The following MMEL1 variants were observed in gnomAD, a reference collection of about 807,000 sequenced individuals.
The protein encoded by MMEL1 is membrane metallo-endopeptidase-like 1.
MMEL1 carries 98 observed loss-of-function variants against 117.1 expected under a neutral mutation model. The ratio of observed to expected loss-of-function variants is 0.84; its 90% confidence interval spans 0.71 to 0.99. The LOEUF (loss-of-function observed/expected upper bound fraction) is 0.99. Among genes scored for constraint, MMEL1 ranks in the 50% least tolerant of loss-of-function variants. The probability of loss-of-function intolerance (pLI) is 0.00; values close to 1 mark genes in which losing one functional copy is unlikely to be tolerated. For missense variants in MMEL1, 1,014 were observed against 1,049.1 expected (o/e 0.97, Z 0.46); for synonymous variants, 390 against 415.1 (o/e 0.94, Z 0.74).
chr1:2,620,253 G>C (rs961705229), intron 2 of MMEL1, among the ~76,000 whole-genome samples: 1 of 152,172 alleles, frequency 6.6e-6, no homozygotes, highest in African/African-American at 2.4e-5. Context: ...ACAGCAGCAA[G>C]GGGAGTCAGA....
Position 2,620,293 on chromosome 1 carries a change from G to A in MMEL1, c.155-8089C>T, listed in dbSNP as rs944526863. ...ATGAGAGCTAAATCTTCAAGATATT[G>A]AGAGAAAATAACAGCTCAGACTCAT... On this transcript the variant is annotated intron_variant, in intron 2 of 23. Transcript: ENST00000378412. Among the ~76,000 whole-genome samples the A allele has an allele frequency of 2.0e-5, 3 of 152,278 alleles. No homozygotes were observed. The East Asian group carries it at 5.8e-4, about 29-fold the overall frequency.
At chr1:2,604,108 C>T in intron 10 of MMEL1, 39 bp downstream of exon 10, 1 of 1,569,962 alleles carries the variant, frequency 6.4e-7, no homozygotes, top group Non-Finnish European at 8.7e-7. Flanking sequence ...GCTCCCAGCC[C>T]ACTCGCTGCC....
intron 4 of MMEL1, 39 bp from the exon 5 acceptor site, chr1:2,609,870 CAG>C: frequency 6.3e-7 from 1 of 1,575,168 alleles, no homozygotes; most frequent in Non-Finnish European, 8.6e-7. Flanking sequence ...AGAGGGGAGA[CAG>C]AGAGAGTTGT....
intron 13 of MMEL1, 103 bp downstream of exon 13, chr1:2,598,104 G>A (rs1371701771): frequency 9.9e-6 from 11 of 1,107,402 alleles, no homozygotes; most frequent in Non-Finnish European, 1.5e-5. Flanking sequence ...GTCCATGGCT[G>A]TGACCCTGGT....
chr1:2,612,024 G>C lies in MMEL1; in HGVS notation c.232+103C>G. 2 of 1,008,856 alleles carry C rather than the reference G, an allele frequency of 2.0e-6. No individual in the cohort carries two copies. The highest frequency in any genetic ancestry group is 3.0e-6 in the Non-Finnish European group (2 of 660,032). The allele number at this position is 1,008,856 out of a possible 1,614,324, so 62.5% of individuals were successfully genotyped here. ...CCATGGCCCTCCTCCGGCACATGAGGGTTGGGCAGAACCCAGCCCCTGCCC... is the reference window on the plus strand; with the variant it reads ...CCATGGCCCTCCTCCGGCACATGAGCGTTGGGCAGAACCCAGCCCCTGCCC... On this transcript the variant is annotated intron_variant, in intron 3 of 23. Transcript: ENST00000378412. This position sits in a 1 kb window ranked among gnomAD's most constrained non-coding sequence, Gnocchi z 5.4.
In MMEL1 at chr1:2,603,925, G is replaced by C. The variant is rs1387634341; in HGVS notation, c.1000C>G (p.Arg334Gly). 6.2e-7 allele frequency: 1 copy of C among 1,613,928 alleles called. No individual in the cohort carries two copies. The highest frequency in any genetic ancestry group is 1.1e-5 in the South Asian group (1 of 91,092). ...CTTTGCAGCTCCTCCAGTCCCATCC[G>C]GTGGTACAAGGCGATGACGTCGTGT... ...ERHDVIALYH[R>G]MGLEELQSQF... is the part of the protein sequence containing the mutation. The change falls in exon 11 of 24, where the codon CGG becomes GGG. Residue 334 changes from arginine (R) to glycine (G), a missense_variant. Arg to Gly is a moderately radical substitution (Grantham distance 125, BLOSUM62 -2). Transcript: ENST00000378412.
At chr1:2,597,700 G>C (rs1353501512) in intron 13 of MMEL1, among the ~76,000 whole-genome samples, 1 of 152,154 alleles carries the variant, frequency 6.6e-6, no homozygotes, top group Non-Finnish European at 1.5e-5. Flanking sequence ...GTGACTACAG[G>C]AGCAGCATAT....
In MMEL1 at chr1:2,595,127, T is replaced by A; in HGVS notation, c.1584+149A>T. ...TTCCCCATCTGTACACTGAGGGTAG[T>A]GCTGGAGCCACCACCCTAGGGCACG... On this transcript the variant is annotated intron_variant, in intron 16 of 23. Transcript: ENST00000378412. This position sits in a 1 kb window ranked among gnomAD's most constrained non-coding sequence, Gnocchi z 4.8. 1 of 740,048 alleles carries A rather than the reference T, an allele frequency of 1.4e-6. No homozygotes were observed. Among genetic ancestry groups the A allele is most frequent in the Non-Finnish European group, 2.3e-6 (1 of 439,872 alleles). 45.8% of individuals were successfully genotyped at this position (740,048 alleles called of 1,614,324 possible). A position where few individuals can be genotyped will look rare whatever the true frequency, so the allele number is the denominator to read the frequency against.
chr1:2,594,959 T>A, intron 16 of MMEL1, 66 bp from the exon 17 acceptor site: 1 of 1,389,776 alleles, frequency 7.2e-7, no homozygotes, highest in Non-Finnish European at 1.0e-6. Context: ...AGGGGAGAGG[T>A]CCTGGGTGGT....
chr1:2,611,305 T>G lies in MMEL1; in HGVS notation c.268A>C (p.Thr90Pro), dbSNP rs770298035. 2.9e-5 allele frequency: 45 copies of G among 1,572,510 alleles called. 1 individual carries two copies. The South Asian group carries it at 5.0e-4, about 18-fold the overall frequency. The change falls in exon 4 of 24, where the codon ACC becomes CCC. Residue 90 changes from threonine to proline, a missense_variant. Physicochemically the swap from Thr to Pro is conservative, Grantham distance 38. Coordinates refer to ENST00000378412, the MANE Select transcript of MMEL1 (RefSeq NM_033467.4). ...CCTGCTATCACGCAGCCAGGGGTGG[T>G]GCAGACCTCGCTCACCTCTTGGGCC... ...PEAQEVSEVC[T>P]TPGCVIAAAR...
chr1:2,628,051 G>T (rs1205805891), intron 2 of MMEL1, among the ~76,000 whole-genome samples: 1 of 152,254 alleles, frequency 6.6e-6, no homozygotes, highest in Admixed American at 6.5e-5. Context: ...AGCTGGGGGT[G>T]TGTGTGGGGT....
intron 3 of MMEL1, among the ~76,000 whole-genome samples, chr1:2,611,651 T>G (rs1021383743): frequency 6.6e-6 from 1 of 152,146 alleles, no homozygotes; most frequent in African/African-American, 2.4e-5. Context: ...GATAGTGAGC[T>G]TCGTTCTTTG....
Position 2,632,719 on chromosome 1 carries a change from A to G in MMEL1, c.-38+147T>C, listed in dbSNP as rs545287456. The G allele has an allele frequency of 2.1e-3, 646 of 303,614 alleles. 2 individuals are homozygous for G. The highest frequency in any genetic ancestry group is 0.013 in the African/African-American group (588 of 44,434). The allele number at this position is 303,614 out of a possible 1,614,324, so 18.8% of individuals were successfully genotyped here. A position where few individuals can be genotyped will look rare whatever the true frequency, so the allele number is the denominator to read the frequency against. ...CAGAGGGGGCTGCCTGCCCTGGCAC[A>G]GGCGAGACTGCACACAGGACGCCCT... On this transcript the variant is annotated intron_variant, in intron 1 of 23. Coordinates refer to ENST00000378412, the MANE Select transcript of MMEL1 (RefSeq NM_033467.4).
rs575327324 is a variant in MMEL1 at position 2,621,880 on chromosome 1, T to C, written c.154+7451A>G. On this transcript the variant is annotated intron_variant, in intron 2 of 23. Transcript: ENST00000378412. Reference sequence around the variant, plus strand: ...CCCAGCCATATCTTACATGTATTGATTGATGTCTTATGTTTCCCGAAAATG... The same window carrying C: ...CCCAGCCATATCTTACATGTATTGACTGATGTCTTATGTTTCCCGAAAATG... 3.5e-4 allele frequency among the ~76,000 whole-genome samples: 54 copies of C among 152,312 alleles called. 1 individual carries two copies. The highest frequency in any genetic ancestry group is 1.3e-3 in the African/African-American group (52 of 41,582).
intron 22 of MMEL1, 107 bp downstream of exon 22, chr1:2,591,825 A>G: frequency 1.6e-6 from 2 of 1,224,976 alleles, no homozygotes; most frequent in Non-Finnish European, 2.4e-6. Context: ...TTTTCCCCCA[A>G]GGGGCCTTCC....
intron 23 of MMEL1, 86 bp from the exon 24 acceptor site, chr1:2,591,175 C>T: frequency 1.1e-6 from 1 of 909,980 alleles, no homozygotes; most frequent in African/African-American, 1.7e-5. Context: ...AAAAACCAGC[C>T]CAAAACATCA....
chr1:2,611,359 C>G lies in MMEL1; in HGVS notation c.233-19G>C. 6.7e-7 allele frequency: 1 copy of G among 1,502,406 alleles called. No individual in the cohort carries two copies. The highest frequency in any genetic ancestry group is 8.9e-7 in the Non-Finnish European group (1 of 1,125,132). 93.1% of individuals were successfully genotyped at this position (1,502,406 alleles called of 1,614,324 possible). ...GGGATCCCTGCGGGCAAGGAGCAGC[C>G]TGAGCACCGGGAGCCACGGAGAGGG... On this transcript the variant is annotated intron_variant, in intron 3 of 23. Coordinates refer to ENST00000378412, the MANE Select transcript of MMEL1 (RefSeq NM_033467.4).
chr1:2,628,295 G>T (rs79793581), intron 2 of MMEL1, among the ~76,000 whole-genome samples: 3,440 of 152,322 alleles, frequency 0.023, 56 homozygotes, highest in Non-Finnish European at 0.034. Flanking sequence ...GCCCCGGGCC[G>T]GGACGCCCTG....
In MMEL1 at chr1:2,594,826, C is replaced by T. The variant is rs1557520948; in HGVS notation, c.1652G>A (p.Ser551Asn). Reference protein sequence around the residue: ...LQNLKVGAQRSLRKLREKVDP... With the variant: ...LQNLKVGAQRNLRKLREKVDP... ...CACCTTTTCCCGAAGCTTCCTGAGG[C>T]TCCGCTGGGCGCCCACCTTGAGGTT... The change falls in exon 17 of 24, where the codon AGC (serine) becomes AAC (asparagine). Residue 551 changes from serine to asparagine, a missense_variant. Coordinates refer to ENST00000378412, the MANE Select transcript of MMEL1 (RefSeq NM_033467.4). 1.9e-6 allele frequency: 3 copies of T among 1,613,994 alleles called. No individual in the cohort carries two copies.
Sources: allele counts gnomAD v4.1 joint callset (sites outside exome capture counted in the v4.1 genomes callset), GRCh38; gene constraint gnomAD v4.1.1; non-coding constraint Gnocchi (gnomAD v3.1); transcripts MANE v1.5; gene names NCBI Gene and HGNC (gene_info 2026-07-23, HGNC 2026-07-21).